The following EFHD1 variants were observed in gnomAD, a reference collection of about 807,000 sequenced individuals.
EFHD1 encodes the protein EF-hand domain-containing protein D1.
A neutral mutation model predicts 17.2 loss-of-function variants in EFHD1; 10 were observed. That is an observed-to-expected ratio of 0.58 (90% CI 0.36 to 0.99). EFHD1 has a LOEUF of 0.99. Among genes scored for constraint, EFHD1 ranks in the 50% least tolerant of loss-of-function variants. The pLI, the probability that EFHD1 is intolerant of heterozygous loss-of-function variation, is 0.01. For synonymous variants in EFHD1, 153 were observed against 142.0 expected (o/e 1.08, Z -0.55); for missense variants, 310 against 327.5 (o/e 0.95, Z 0.41).
Position 232,621,260 on chromosome 2 carries a change from AG to A in EFHD1, c.14+15091del, listed in dbSNP as rs527497841. On this transcript the variant is annotated intron_variant, in intron 1 of 3. Coordinates refer to the EFHD1 transcript ENST00000409613. The stretch of plus-strand genomic sequence containing the variant: ...CGTAGTCTGTGCCTGCAGATATGAA[AG>A]GGGTACACAGAGAATCTCTGGTGGC... Among the ~76,000 whole-genome samples the A allele has an allele frequency of 6.6e-5, 10 of 152,206 alleles. No homozygotes were observed. In the South Asian group the frequency reaches 1.5e-3, roughly 22 times the overall value.
At chr2:232,606,152 G>C (rs1559332984) in exon 1 of EFHD1, 1 of 1,550,224 alleles carries the variant, frequency 6.5e-7, no homozygotes, top group South Asian at 1.2e-5. Flanking sequence ...ACAGTCCCCA[G>C]ACATACGATG....
At chr2:232,642,965 G>A (rs1331173879) in intron 1 of EFHD1, among the ~76,000 whole-genome samples, 2 of 152,194 alleles carry the variant, frequency 1.3e-5, no homozygotes, top group Non-Finnish European at 2.9e-5. Context: ...TCATCTCATG[G>A]ATGAGGGCGT....
intron 1 of EFHD1, among the ~76,000 whole-genome samples, chr2:232,634,263 C>T (rs1056648592): frequency 2.6e-5 from 4 of 151,978 alleles, no homozygotes; most frequent in African/African-American, 7.2e-5. Context: ...GGCCCGAGTT[C>T]CAGGTCCCCC....
rs1329040086 is a variant in EFHD1, at chr2:232,663,028, A to G, written c.450+79A>G. 3.5e-6 allele frequency: 5 copies of G among 1,442,428 alleles called. No homozygotes were observed. In the East Asian group the frequency reaches 8.1e-5, roughly 23 times the overall value. The allele number at this position is 1,442,428 out of a possible 1,614,324, so 89.4% of individuals were successfully genotyped here. ...CAGGTGTACAGCCCACTGGAGCACA[A>G]ATGGGTTTGGCCTCTCCAGAGCGCT... is the stretch of plus-strand genomic sequence containing the variant. On this transcript the variant is annotated intron_variant, in intron 2 of 3. Coordinates refer to ENST00000264059, the MANE Select transcript of EFHD1 (RefSeq NM_025202.4).
At chr2:232,619,840 G>C (rs748111363) in intron 1 of EFHD1, among the ~76,000 whole-genome samples, 23 of 151,946 alleles carry the variant, frequency 1.5e-4, no homozygotes, top group Admixed American at 4.6e-4. Flanking sequence ...AGGCTGCATT[G>C]AGCTATGATC....
chr2:232,633,399 T>C (rs1694240523), upstream of EFHD1: 4 of 1,149,550 alleles, frequency 3.5e-6, no homozygotes, highest in Non-Finnish European at 3.2e-6. Flanking sequence ...GGGGGGACGG[T>C]CAGCCTCCCG....
Position 232,662,809 on chromosome 2 carries a change from G to T in EFHD1, c.310G>T (p.Ala104Ser), listed in dbSNP as rs374098430. 6 of 1,577,236 alleles carry T rather than the reference G, an allele frequency of 3.8e-6. No homozygotes were observed. The highest frequency in any genetic ancestry group is 5.2e-6 in the Non-Finnish European group (6 of 1,164,888). ...DLESMFKLYDAGRDGFIDLME... is the reference protein window; with the variant it reads ...DLESMFKLYDSGRDGFIDLME... ...ATTCCTTTGACCCTGCAGGTATGACGCTGGGCGGGATGGCTTCATCGACCT... is the reference window on the plus strand; with the variant it reads ...ATTCCTTTGACCCTGCAGGTATGACTCTGGGCGGGATGGCTTCATCGACCT... The change falls in exon 2 of 4, where the codon GCT becomes TCT. Residue 104 changes from alanine (A) to serine (S), a missense_variant. Transcript: ENST00000264059.
intron 1 of EFHD1, among the ~76,000 whole-genome samples, chr2:232,618,722 C>A (rs866918376): frequency 2.3e-3 from 304 of 134,102 alleles, no homozygotes; most frequent in Non-Finnish European, 3.1e-3. Flanking sequence ...GACTCTGTCT[C>A]AAAAAAAAAA....
chr2:232,678,104 GA>G (rs1261257099), intron 3 of EFHD1, among the ~76,000 whole-genome samples: 10 of 151,940 alleles, frequency 6.6e-5, no homozygotes, highest in Admixed American at 6.6e-4. Context: ...CCAACATGGT[GA>G]AACCCTGTCT....
intron 1 of EFHD1, among the ~76,000 whole-genome samples, chr2:232,653,206 T>A (rs1694691364): frequency 6.6e-6 from 1 of 152,160 alleles, no homozygotes; most frequent in African/African-American, 2.4e-5. Flanking sequence ...GTTGGCCAGC[T>A]GGTCTCAAAC....
chr2:232,660,233 C>T (rs186334994), intron 1 of EFHD1, among the ~76,000 whole-genome samples: 1 of 151,056 alleles, frequency 6.6e-6, no homozygotes, highest in Non-Finnish European at 1.5e-5. Context: ...CTTGCTCTGT[C>T]ACCCAGGCTG....
chr2:232,638,658 G>A (rs1196281514), intron 1 of EFHD1, among the ~76,000 whole-genome samples: 2 of 152,200 alleles, frequency 1.3e-5, no homozygotes, highest in Non-Finnish European at 2.9e-5. Context: ...GGAGGTGGAG[G>A]TGAGGCTGCC....
chr2:232,635,021 C>CGT (rs377448617), intron 1 of EFHD1, among the ~76,000 whole-genome samples: 1 of 151,774 alleles, frequency 6.6e-6, no homozygotes, highest in South Asian at 2.1e-4. Flanking sequence ...GCCTCCGCTG[C>CGT]CCCTGCATGG....
chr2:232,633,309 G>A (rs1229620729), upstream of EFHD1: 7 of 292,698 alleles, frequency 2.4e-5, no homozygotes, highest in African/African-American at 1.1e-4. Context: ...CGGTCGAGAC[G>A]CTTTTTCCCG....
intron 3 of EFHD1, among the ~76,000 whole-genome samples, chr2:232,676,368 C>T (rs897928768): frequency 8.5e-5 from 13 of 152,212 alleles, no homozygotes; most frequent in Non-Finnish European, 1.8e-4. Context: ...AACCTGGTGA[C>T]TCCTGGCTGC....
chr2:232,635,459 T>G (rs1694301235), intron 1 of EFHD1, among the ~76,000 whole-genome samples: 1 of 152,238 alleles, frequency 6.6e-6, no homozygotes, highest in Non-Finnish European at 1.5e-5. Flanking sequence ...AGAGTCCATA[T>G]GCTCAGAGGG....
At position 232,612,929 on chromosome 2, in the gene EFHD1, C is replaced by T. The variant is rs1280138643; in HGVS notation, c.14+6756C>T. On this transcript the variant is annotated intron_variant, in intron 1 of 3. Transcript: ENST00000409613. The stretch of plus-strand genomic sequence containing the variant: ...TGTATTTTTAGTAGAGATGGGGTTT[C>T]GCCATGTTAGCCAAGCTGGTCTCGA... Among the ~76,000 whole-genome samples the T allele has an allele frequency of 4.6e-5, 7 of 151,732 alleles. 1 individual carries two copies. The South Asian group carries it at 1.2e-3, about 27-fold the overall frequency.
intron 1 of EFHD1, among the ~76,000 whole-genome samples, chr2:232,638,907 G>T (rs151210471): frequency 6.6e-6 from 1 of 152,166 alleles, no homozygotes; most frequent in East Asian, 1.9e-4. Context: ...AGGACCTAGG[G>T]CTTGTCTGAA....
intron 1 of EFHD1, among the ~76,000 whole-genome samples, chr2:232,627,057 T>TA (rs1694117327): frequency 8.3e-6 from 1 of 120,906 alleles, no homozygotes; most frequent in Non-Finnish European, 1.7e-5. Context: ...TATATATATA[T>TA]ATATATATTT....
Sources: allele counts gnomAD v4.1 joint callset (sites outside exome capture counted in the v4.1 genomes callset), GRCh38; gene constraint gnomAD v4.1.1; transcripts MANE v1.5; gene names NCBI Gene and HGNC (gene_info 2026-07-23, HGNC 2026-07-21).